FMNL1: variants seen among roughly 807,000 people sequenced by gnomAD.
The protein encoded by FMNL1 is formin-like protein 1.
In FMNL1, 43 loss-of-function variants were observed where a neutral mutation model predicts 121.3. The ratio of observed to expected loss-of-function variants is 0.35; its 90% CI spans 0.28 to 0.46. FMNL1 has a LOEUF of 0.46. FMNL1 is among the 20% of genes least tolerant of loss of function. FMNL1 has a pLI of 1.00. For missense variants in FMNL1, 1,191 were observed against 1,482.4 expected (o/e 0.80, Z 3.23); for synonymous variants, 613 against 613.5 (o/e 1.00, Z 0.01).
chr17:45,232,843 A>ATG (rs112855430), intron 3 of FMNL1: 59 of 519,674 alleles, frequency 1.1e-4, no homozygotes, highest in Middle Eastern at 2.9e-4. Context: ...GAGAGAGAGA[A>ATG]TGTGTGTGTG....
intron 22 of FMNL1, 48 bp from the exon 23 acceptor site, chr17:45,245,584 C>T: frequency 3.1e-6 from 5 of 1,608,730 alleles, no homozygotes; most frequent in Middle Eastern, 1.7e-4. Context: ...CTGAGGGGTA[C>T]AGGCTGTGAG....
rs1230055512 is a variant in FMNL1, at chr17:45,244,195, C to G, written c.2468C>G (p.Ala823Gly). 1 of 1,613,092 alleles carries G rather than the reference C, an allele frequency of 6.2e-7. No homozygotes were observed. Among genetic ancestry groups the G allele is most frequent in the Non-Finnish European group, 8.5e-7 (1 of 1,179,646 alleles). Residue 823 changes from alanine (A) to glycine (G), a missense_variant, in exon 19 of 27, where the codon GCA becomes GGA. Physicochemically the swap from Ala to Gly is moderately conservative, Grantham distance 60. Around this residue, in one of 4 missense-constraint regions of FMNL1, gnomAD observed 367 missense variants for 528.6 expected, o/e 0.69. Coordinates refer to ENST00000331495, the MANE Select transcript of FMNL1 (RefSeq NM_005892.4). ...CCCCAGCAACTGAATGCCATCATTGCAGCCTCAATGTCCATCAAGTCCTCT... is the reference window on the plus strand; with the variant it reads ...CCCCAGCAACTGAATGCCATCATTGGAGCCTCAATGTCCATCAAGTCCTCT... ...LLMPQLNAIIAASMSIKSSDK... is the reference protein window; with the variant it reads ...LLMPQLNAIIGASMSIKSSDK...
Position 45,245,209 on chromosome 17 carries a change from C to A in FMNL1, c.2729-44C>A, listed in dbSNP as rs200225061. The A allele has an allele frequency of 2.6e-4, 424 of 1,613,056 alleles. 3 individuals are homozygous for A. In the East Asian group the frequency reaches 8.9e-3, roughly 34 times the overall value. ...CAGTATATAATTGGTGGGAGGGCTG[C>A]CTCTCCGATTCACTGACCTGATACT... On this transcript the variant is annotated intron_variant, in intron 21 of 26. Transcript: ENST00000331495.
At position 45,245,295 on chromosome 17, in the gene FMNL1, G is replaced by A. The variant is rs753028987; in HGVS notation, c.2771G>A (p.Arg924Gln). 21 of 1,614,058 alleles carry A rather than the reference G, an allele frequency of 1.3e-5. No individual in the cohort carries two copies. The highest frequency in any genetic ancestry group is 5.5e-5 in the South Asian group (5 of 91,090). The change falls in exon 22 of 27, where the codon CGA (arginine) becomes CAA (glutamine). Residue 924 changes from arginine to glutamine, a missense_variant. By Grantham distance (43) the Arg-to-Gln change is conservative (BLOSUM62 1). Around this residue, in one of 4 missense-constraint regions of FMNL1, gnomAD observed 367 missense variants for 528.6 expected, o/e 0.69. Transcript: ENST00000331495. Reference protein sequence around the residue: ...SVLADVRSLQRGLELTQREFV... With the variant: ...SVLADVRSLQQGLELTQREFV... ...CTGGCGGACGTGCGCTCCCTGCAGC[G>A]AGGCCTAGAGTTGACACAGAGAGAG...
intron 1 of FMNL1, among the ~76,000 whole-genome samples, chr17:45,227,229 G>A (rs1003202939): frequency 6.6e-6 from 1 of 152,178 alleles, no homozygotes; most frequent in Non-Finnish European, 1.5e-5. Flanking sequence ...GGACTGAGAC[G>A]TAGGCTCCGC....
intron 9 of FMNL1, chr17:45,238,322 A>C: frequency 2.1e-6 from 1 of 472,384 alleles, no homozygotes; most frequent in Non-Finnish European, 3.8e-6. Context: ...CACTCCAGGG[A>C]GTTGGAACAG....
chr17:45,243,998 C>T lies in FMNL1; in HGVS notation c.2421C>T (p.Phe807=), dbSNP rs1248628452. 1.9e-6 allele frequency: 3 copies of T among 1,611,288 alleles called. No homozygotes were observed. Among genetic ancestry groups the T allele is most frequent in the Non-Finnish European group, 2.5e-6 (3 of 1,179,438 alleles). Residue 807 remains phenylalanine (F), a synonymous_variant, in exon 18 of 27, where the codon TTC becomes TTT. Transcript: ENST00000331495. ...CCACACTCACCTTCCTGGGCAACTT[C>T]CCGGACACAGCCCAGCTGCTCATGC... ...RMTTLTFLGN[F]PDTAQLLMPQ...
Position 45,244,168 on chromosome 17 carries a change from A to G in FMNL1, c.2449-8A>G, listed in dbSNP as rs982199596. 8 of 1,612,450 alleles carry G rather than the reference A, an allele frequency of 5.0e-6. No individual in the cohort carries two copies. The African/African-American group carries it at 1.1e-4, about 22-fold the overall frequency. On this transcript the variant is annotated splice_region_variant and splice_polypyrimidine_tract_variant and intron_variant, in intron 18 of 26. Transcript: ENST00000331495. ...CAACTTATCTTACCTCCCCCATCCC[A>G]CCCCCAGCAACTGAATGCCATCATT...
At position 45,242,117 on chromosome 17, in the gene FMNL1, T is replaced by C. The variant is rs1220561565; in HGVS notation, c.1856T>C (p.Leu619Pro). 3 of 1,507,656 alleles carry C rather than the reference T, an allele frequency of 2.0e-6. No homozygotes were observed. Among genetic ancestry groups the C allele is most frequent in the East Asian group, 5.3e-5 (2 of 37,592 alleles). The allele number at this position is 1,507,656 out of a possible 1,614,324, so 93.4% of individuals were successfully genotyped here. The change falls in exon 15 of 27, where the codon CTA becomes CCA. Residue 619 changes from leucine to proline, a missense_variant. Leu to Pro is a moderately conservative substitution (Grantham distance 98, BLOSUM62 -3). Coordinates refer to ENST00000331495, the MANE Select transcript of FMNL1 (RefSeq NM_005892.4). ...PPPPGGPPDA[L>P]GRRDSELGPG... ...CCTCCCGGAGGTCCTCCTGATGCCC[T>C]AGGAAGACGCGACTCAGAATTGGGC...
At chr17:45,232,186 GA>G (rs905138666) in intron 2 of FMNL1, among the ~76,000 whole-genome samples, 180 bp from the exon 3 acceptor site, 1 of 151,298 alleles carries the variant, frequency 6.6e-6, no homozygotes, top group African/African-American at 2.4e-5. Context: ...TAAAAGAAAA[GA>G]AAAAAAAAGA....
In FMNL1 at chr17:45,231,246, C is replaced by T. The variant is rs191806223; in HGVS notation, c.213+559C>T. Among the ~76,000 whole-genome samples, 119 of 151,538 alleles carry T rather than the reference C, an allele frequency of 7.9e-4. No individual in the cohort carries two copies. The East Asian group carries it at 0.011, about 14-fold the overall frequency. ...CCCCTCCAGCTTCAAGGGCTGCGGTCGGCCATGGGCCGACCCTCTCCCAGC... is the reference window on the plus strand; with the variant it reads ...CCCCTCCAGCTTCAAGGGCTGCGGTTGGCCATGGGCCGACCCTCTCCCAGC... On this transcript the variant is annotated intron_variant, in intron 2 of 26. Coordinates refer to ENST00000331495, the MANE Select transcript of FMNL1 (RefSeq NM_005892.4). The surrounding 1 kb of genome is among the most constrained non-coding windows in gnomAD (Gnocchi z 4.7).
chr17:45,236,424 T>A (rs187296602), intron 7 of FMNL1, 180 bp downstream of exon 7: 5 of 537,816 alleles, frequency 9.3e-6, no homozygotes, highest in Non-Finnish European at 1.3e-5. Flanking sequence ...GGGAAGCCCA[T>A]GTTTTTGCTG....
At position 45,241,855 on chromosome 17, in the gene FMNL1, C is replaced by T; in HGVS notation, c.1594C>T (p.Pro532Ser). ...CGCCCTCGCTGGCTCAGATCTCGCACCTGCAGCAGAGCCGGCTCCCGGAGC... is the reference window on the plus strand; with the variant it reads ...CGCCCTCGCTGGCTCAGATCTCGCATCTGCAGCAGAGCCGGCTCCCGGAGC... ...PTGSPSPDLA[P>S]AAEPAPGAAP... Residue 532 changes from proline (P) to serine (S), a missense_variant, in exon 15 of 27, where the codon CCT becomes TCT. Physicochemically the swap from Pro to Ser is moderately conservative, Grantham distance 74 (BLOSUM62 -1). Coordinates refer to ENST00000331495, the MANE Select transcript of FMNL1 (RefSeq NM_005892.4). This position sits in a 1 kb window ranked among gnomAD's most constrained non-coding sequence, Gnocchi z 7.0. The T allele has an allele frequency of 7.0e-7, 1 of 1,430,786 alleles. No individual in the cohort carries two copies. Among genetic ancestry groups the T allele is most frequent in the Non-Finnish European group, 9.1e-7 (1 of 1,101,808 alleles). 88.6% of individuals were successfully genotyped at this position (1,430,786 alleles called of 1,614,324 possible). A position where few individuals can be genotyped will look rare whatever the true frequency, so the allele number is the denominator to read the frequency against.
At chr17:45,234,281 G>A in intron 6 of FMNL1, 81 bp downstream of exon 6, 1 of 1,608,642 alleles carries the variant, frequency 6.2e-7, no homozygotes, top group East Asian at 2.2e-5. Flanking sequence ...CCCACCCCGG[G>A]CCCTTGGGGT....
In FMNL1 at chr17:45,237,083, G is replaced by A. The variant is rs1012929464; in HGVS notation, c.724-198G>A. ...CGGTGAGCTGAGATGGCGCCACTGC[G>A]CTCCAGCCTGGGTGACAGAGGGAAA... is the stretch of plus-strand genomic sequence containing the variant. On this transcript the variant is annotated intron_variant, in intron 7 of 26. Coordinates refer to ENST00000331495, the MANE Select transcript of FMNL1 (RefSeq NM_005892.4). This position sits in a 1 kb window ranked among gnomAD's most constrained non-coding sequence, Gnocchi z 4.4. Among the ~76,000 whole-genome samples the A allele has an allele frequency of 6.6e-6, 1 of 152,132 alleles. No individual in the cohort carries two copies. The highest frequency in any genetic ancestry group is 2.4e-5 in the African/African-American group (1 of 41,414).
Position 45,241,973 on chromosome 17 carries a change from G to C in FMNL1, c.1712G>C (p.Ser571Thr). 1 of 1,315,178 alleles carries C rather than the reference G, an allele frequency of 7.6e-7. No individual in the cohort carries two copies. The highest frequency in any genetic ancestry group is 3.4e-5 in the East Asian group (1 of 29,650). 81.5% of individuals were successfully genotyped at this position (1,315,178 alleles called of 1,614,324 possible). A position where few individuals can be genotyped will look rare whatever the true frequency, so the allele number is the denominator to read the frequency against. The change falls in exon 15 of 27, where the codon AGC becomes ACC. Residue 571 changes from serine (S) to threonine (T), a missense_variant. By Grantham distance (58) the Ser-to-Thr change is moderately conservative. Coordinates refer to ENST00000331495, the MANE Select transcript of FMNL1 (RefSeq NM_005892.4). This position sits in a 1 kb window ranked among gnomAD's most constrained non-coding sequence, Gnocchi z 7.0. ...CCACAGGCCCCGCCTCTCCCTGGCAGCCCGGAGCCCCCGCCTGCGCCGCCG... is the reference window on the plus strand; with the variant it reads ...CCACAGGCCCCGCCTCTCCCTGGCACCCCGGAGCCCCCGCCTGCGCCGCCG... ...APPQAPPLPG[S>T]PEPPPAPPLP...
At chr17:45,234,516 T>G in intron 6 of FMNL1, 1 of 359,142 alleles carries the variant, frequency 2.8e-6, no homozygotes. Flanking sequence ...ATACAAAAAT[T>G]AGCCGGGTGT....
At position 45,243,264 on chromosome 17, in the gene FMNL1, C is replaced by T. The variant is rs1307534806; in HGVS notation, c.2157C>T (p.Ala719=). 1 of 1,614,034 alleles carries T rather than the reference C, an allele frequency of 6.2e-7. No individual in the cohort carries two copies. Among genetic ancestry groups the T allele is most frequent in the Admixed American group, 1.7e-5 (1 of 60,028 alleles). The change falls in exon 17 of 27, where the codon GCC becomes GCT. Residue 719 remains alanine (A), a synonymous_variant. Transcript: ENST00000331495. ...AGGCCAACCGGGCCAAGAACTTGGC[C>T]ATCACCCTGCGGAAGGGCAACCTGG... ...LIEANRAKNL[A]ITLRKGNLGA... is the part of the protein sequence containing the mutation.
intron 1 of FMNL1, among the ~76,000 whole-genome samples, chr17:45,229,178 C>T (rs180800898): frequency 2.2e-4 from 33 of 152,196 alleles, no homozygotes; most frequent in Non-Finnish European, 4.4e-4. Flanking sequence ...AGAGGAATGA[C>T]GTATTCCACC....
Sources: allele counts gnomAD v4.1 joint callset (sites outside exome capture counted in the v4.1 genomes callset), GRCh38; gene constraint gnomAD v4.1.1; regional missense constraint gnomAD v4.1.1; non-coding constraint Gnocchi (gnomAD v3.1); transcripts MANE v1.5; gene names NCBI Gene and HGNC (gene_info 2026-07-23, HGNC 2026-07-21).